The following PTPRU variants were observed in gnomAD, a reference collection of about 807,000 sequenced individuals.
PTPRU encodes protein tyrosine phosphatase receptor type U.
Under a neutral mutation model 166.3 loss-of-function variants are expected in PTPRU, and 69 were observed. That is an observed-to-expected ratio of 0.41 (90% CI 0.34 to 0.51). PTPRU has a LOEUF of 0.51. PTPRU is among the 20% of genes least tolerant of loss of function. The probability of loss-of-function intolerance (pLI) is 0.09; values close to 1 mark genes in which losing one functional copy is unlikely to be tolerated. For synonymous variants in PTPRU, 793 were observed against 814.0 expected (o/e 0.97, Z 0.44); for missense variants, 1,657 against 2,013.7 (o/e 0.82, Z 3.39).
rs771724615 is a variant in PTPRU at position 29,317,809 on chromosome 1, G to C, written c.3575G>C (p.Arg1192Pro). ...VEECSIALLP[R>P]NRDKNRSMDV... ...GAGTGCAGCATCGCCCTGTTGCCCC[G>C]GAACCGCGACAAGAACCGCAGCATG... The change falls in exon 25 of 30, where the codon CGG becomes CCG. Residue 1192 changes from arginine (R) to proline (P), a missense_variant. By Grantham distance (103) the Arg-to-Pro change is moderately radical (BLOSUM62 -2). This residue lies in a region of PTPRU where 1,190 missense variants were observed against 1,477.4 expected (regional missense o/e 0.81). Coordinates refer to ENST00000373779, the MANE Select transcript of PTPRU (RefSeq NM_133178.4). The surrounding 1 kb of genome is among the most constrained non-coding windows in gnomAD (Gnocchi z 5.6). The C allele has an allele frequency of 1.3e-5, 21 of 1,613,246 alleles. No individual in the cohort carries two copies. Among genetic ancestry groups the C allele is most frequent in the Non-Finnish European group, 1.7e-5 (20 of 1,180,028 alleles).
chr1:29,279,185 C>T lies in PTPRU; in HGVS notation c.1563+64C>T, dbSNP rs187674909. On this transcript the variant is annotated intron_variant, in intron 9 of 29. Transcript: ENST00000373779. This position sits in a 1 kb window ranked among gnomAD's most constrained non-coding sequence, Gnocchi z 5.2. The stretch of plus-strand genomic sequence containing the variant: ...GAAGGTGAGAGGTGGCCCTCTTTCT[C>T]TCTGCTGCTACAGTAGGAGGTGCAT... The T allele has an allele frequency of 1.3e-4, 175 of 1,352,788 alleles. No homozygotes were observed. The Admixed American group carries it at 3.3e-3, about 25-fold the overall frequency. 83.8% of individuals were successfully genotyped at this position (1,352,788 alleles called of 1,614,324 possible).
rs111641693 is a variant in PTPRU at position 29,313,320 on chromosome 1, C to T, written c.3227+614C>T. On this transcript the variant is annotated intron_variant, in intron 22 of 29. Coordinates refer to ENST00000373779, the MANE Select transcript of PTPRU (RefSeq NM_133178.4). ...TGTCCATGGCCTCTGTGTCTCATTG[C>T]GGTTCCTCTACTGTGTTCTTATCAG... Among the ~76,000 whole-genome samples, 454 of 152,254 alleles carry T rather than the reference C, an allele frequency of 3.0e-3. 4 individuals are homozygous for T. Among genetic ancestry groups the T allele is most frequent in the African/African-American group, 0.01 (436 of 41,562 alleles).
rs1684964911 is a variant in PTPRU at position 29,259,892 on chromosome 1, C to T, written c.698C>T (p.Pro233Leu). The part of the protein sequence containing the change: ...LLQRQSGALV[P>L]AAGVRHISHR... ...CAGCGGCAGAGCGGGGCGCTGGTGC[C>T]GGCGGCGGGCGTGCGGCACATCAGC... is the stretch of plus-strand genomic sequence containing the variant. The change falls in exon 6 of 30, where the codon CCG (proline) becomes CTG (leucine). Residue 233 changes from proline to leucine, a missense_variant. By Grantham distance (98) the Pro-to-Leu change is moderately conservative. Coordinates refer to ENST00000373779, the MANE Select transcript of PTPRU (RefSeq NM_133178.4). 2 of 1,531,332 alleles carry T rather than the reference C, an allele frequency of 1.3e-6. No homozygotes were observed. Among genetic ancestry groups the T allele is most frequent in the Admixed American group, 2.0e-5 (1 of 50,760 alleles). 94.9% of individuals were successfully genotyped at this position (1,531,332 alleles called of 1,614,324 possible). A position where few individuals can be genotyped will look rare whatever the true frequency, so the allele number is the denominator to read the frequency against.
intron 12 of PTPRU, 22 bp downstream of exon 12, chr1:29,282,971 T>C: frequency 1.9e-6 from 3 of 1,597,830 alleles, no homozygotes; most frequent in Non-Finnish European, 1.7e-6. Flanking sequence ...GCCAGGGTCA[T>C]GGTGGGCGTG....
At chr1:29,258,953 G>A (rs1165716665) in intron 3 of PTPRU, among the ~76,000 whole-genome samples, 177 bp downstream of exon 3, 4 of 152,232 alleles carry the variant, frequency 2.6e-5, no homozygotes, top group Non-Finnish European at 5.9e-5. Flanking sequence ...AGCATCTGAG[G>A]TCATTGTTCC....
chr1:29,248,363 C>T (rs892581703), intron 1 of PTPRU, among the ~76,000 whole-genome samples: 1 of 152,038 alleles, frequency 6.6e-6, no homozygotes, highest in Non-Finnish European at 1.5e-5. Flanking sequence ...TGGTTCCAGG[C>T]TTGGGCTGGG....
chr1:29,249,792 C>G (rs187284023), intron 1 of PTPRU, among the ~76,000 whole-genome samples: 2 of 152,278 alleles, frequency 1.3e-5, no homozygotes, highest in East Asian at 3.9e-4. Flanking sequence ...CACCACCTGC[C>G]CTACTCATGG....
intron 1 of PTPRU, among the ~76,000 whole-genome samples, chr1:29,249,662 C>T (rs182669850): frequency 3.9e-5 from 6 of 152,214 alleles, no homozygotes; most frequent in African/African-American, 1.2e-4. Flanking sequence ...GAGGGTGTGC[C>T]GTTTACATCC....
chr1:29,261,300 A>G (rs781638069), intron 7 of PTPRU, among the ~76,000 whole-genome samples: 1 of 152,160 alleles, frequency 6.6e-6, no homozygotes, highest in Admixed American at 6.5e-5. Flanking sequence ...TTAATTCTAC[A>G]TCTAGATAAA....
intron 18 of PTPRU, among the ~76,000 whole-genome samples, chr1:29,307,326 T>C (rs1687438667): frequency 6.6e-6 from 1 of 152,246 alleles, no homozygotes; most frequent in South Asian, 2.1e-4. Flanking sequence ...TGCCCAGGGC[T>C]GAAGATTCGA....
At chr1:29,240,334 T>C (rs1316998767) in intron 1 of PTPRU, among the ~76,000 whole-genome samples, 1 of 152,216 alleles carries the variant, frequency 6.6e-6, no homozygotes, top group South Asian at 2.1e-4. Context: ...GGACAGAGAC[T>C]GGGTTTTTAG....
rs781765403 is a variant in PTPRU, at chr1:29,258,630, G to A, written c.331G>A (p.Gly111Arg). ...QFSYFLYSRD[G>R]HSPGTLGVYV... ...CAGCTACTTCCTGTACAGCCGGGAC[G>A]GGCACAGCCCGGGCACCCTGGGCGT... Residue 111 changes from glycine to arginine, a missense_variant, in exon 3 of 30, where the codon GGG becomes AGG. This residue lies in a region of PTPRU where 453 missense variants were observed against 496.9 expected (regional missense o/e 0.91). Transcript: ENST00000373779. 5.7e-5 allele frequency: 92 copies of A among 1,614,126 alleles called. No individual in the cohort carries two copies. The highest frequency in any genetic ancestry group is 1.6e-4 in the Middle Eastern group (1 of 6,084).
rs1351643484 is a variant in PTPRU, at chr1:29,317,135, G to A, written c.3514-613G>A. Among the ~76,000 whole-genome samples, 1 of 152,182 alleles carries A rather than the reference G, an allele frequency of 6.6e-6. No homozygotes were observed. The highest frequency in any genetic ancestry group is 1.9e-4 in the East Asian group (1 of 5,194). On this transcript the variant is annotated intron_variant, in intron 24 of 29. Coordinates refer to ENST00000373779, the MANE Select transcript of PTPRU (RefSeq NM_133178.4). This position sits in a 1 kb window ranked among gnomAD's most constrained non-coding sequence, Gnocchi z 5.6. ...CTGTGAGGGATCTCCAAGAACAAGA[G>A]AAAGAAACTGAGAGCCCCTGGGTCT...
chr1:29,236,711 C>T lies in PTPRU; in HGVS notation c.67C>T (p.Pro23Ser), dbSNP rs1683780940. Residue 23 changes from proline to serine, a missense_variant, in exon 1 of 30, where the codon CCG (proline) becomes TCG (serine). This residue lies in a region of PTPRU where 453 missense variants were observed against 496.9 expected (regional missense o/e 0.91). Coordinates refer to ENST00000373779, the MANE Select transcript of PTPRU (RefSeq NM_133178.4). The surrounding 1 kb of genome is among the most constrained non-coding windows in gnomAD (Gnocchi z 4.6). ...FQLCAPETETPAAGCTFEEAS... is the reference protein window; with the variant it reads ...FQLCAPETETSAAGCTFEEAS... Reference sequence around the variant, plus strand: ...GCTCTGCGCGCCGGAGACCGAGACTCCGGCAGGTAAGCGCGCGGCGGCCGG... The same window carrying T: ...GCTCTGCGCGCCGGAGACCGAGACTTCGGCAGGTAAGCGCGCGGCGGCCGG... 6.9e-7 allele frequency: 1 copy of T among 1,451,770 alleles called. No individual in the cohort carries two copies. The highest frequency in any genetic ancestry group is 1.4e-5 in the South Asian group (1 of 73,832). 89.9% of individuals were successfully genotyped at this position (1,451,770 alleles called of 1,614,324 possible). A position where few individuals can be genotyped will look rare whatever the true frequency, so the allele number is the denominator to read the frequency against.
At chr1:29,324,803 G>A (rs1302410522) in intron 28 of PTPRU, among the ~76,000 whole-genome samples, 1 of 150,818 alleles carries the variant, frequency 6.6e-6, no homozygotes, top group African/African-American at 2.4e-5. Flanking sequence ...TTACCTCTGG[G>A]TCCTCTGCCC....
Position 29,253,266 on chromosome 1 carries a change from G to A in PTPRU, c.74-2009G>A, listed in dbSNP as rs138676034. 2.6e-3 allele frequency among the ~76,000 whole-genome samples: 399 copies of A among 152,246 alleles called. 1 individual carries two copies. The highest frequency in any genetic ancestry group is 6.9e-3 in the African/African-American group (287 of 41,526). ...GAACCCTGTCCTTTTGGGTATTTACGGAGGTTTCCTTACATAAGCATGATG... is the reference window on the plus strand; with the variant it reads ...GAACCCTGTCCTTTTGGGTATTTACAGAGGTTTCCTTACATAAGCATGATG... On this transcript the variant is annotated intron_variant, in intron 1 of 29. Transcript: ENST00000373779.
intron 7 of PTPRU, among the ~76,000 whole-genome samples, chr1:29,262,428 G>A (rs752996310): frequency 1.1e-4 from 17 of 152,116 alleles, no homozygotes; most frequent in Non-Finnish European, 2.2e-4. Flanking sequence ...GTTACCTGTG[G>A]TCAACTTGAG....
intron 15 of PTPRU, among the ~76,000 whole-genome samples, chr1:29,295,039 C>G (rs937889663): frequency 2.6e-5 from 4 of 152,078 alleles, no homozygotes; most frequent in Non-Finnish European, 4.4e-5. Flanking sequence ...TTTTCATTCT[C>G]TCTCTCTGTC....
intron 12 of PTPRU, chr1:29,283,724 A>C: frequency 1.7e-6 from 1 of 573,710 alleles, no homozygotes. Context: ...TTTGCCTCCG[A>C]TCTCATCCCC....
Sources: gnomAD v4.1 joint callset for allele counts (sites outside exome capture counted in the v4.1 genomes callset) on GRCh38, gnomAD v4.1.1 for gene constraint, gnomAD v4.1.1 regional missense constraint, Gnocchi (gnomAD v3.1) non-coding constraint, MANE v1.5 for transcripts, NCBI Gene and HGNC (gene_info 2026-07-23, HGNC 2026-07-21) for gene names.